DLC1: variants seen among roughly 807,000 people sequenced by gnomAD.
The protein encoded by DLC1 is rho GTPase-activating protein 7.
Under a neutral mutation model 140.3 loss-of-function variants are expected in DLC1, and 54 were observed. That is an observed-to-expected ratio of 0.38 (90% CI 0.31 to 0.48). The LOEUF (loss-of-function observed/expected upper bound fraction) is 0.48. Among genes scored for constraint, DLC1 ranks in the 20% least tolerant of loss-of-function variants. The pLI, the probability that DLC1 is intolerant of heterozygous loss-of-function variation, is 0.96. For missense variants in DLC1, 2,536 were observed against 1,907.0 expected (o/e 1.33, Z -6.14); for synonymous variants, 986 against 728.1 (o/e 1.35, Z -5.70).
chr8:13,304,880 C>T (rs1411972350), intron 5 of DLC1: 2 of 991,092 alleles, frequency 2.0e-6, no homozygotes, highest in East Asian at 1.1e-4. Context: ...CAGCTTTAAG[C>T]ATCAATTACA....
intron 1 of DLC1, among the ~76,000 whole-genome samples, chr8:13,505,166 CTAAT>C (rs1801999246): frequency 6.6e-6 from 1 of 151,984 alleles, no homozygotes; most frequent in Non-Finnish European, 1.5e-5. Context: ...TAAGCTGTGG[CTAAT>C]TTTTTTCATG....
chr8:13,083,521 T>C lies in DLC1; in HGVS notation c.*2290A>G, dbSNP rs148984267. 6.6e-6 allele frequency: 1 copy of C among 152,432 alleles called. No homozygotes were observed. Among genetic ancestry groups the C allele is most frequent in the Non-Finnish European group, 1.5e-5 (1 of 68,038 alleles). 9.4% of individuals were successfully genotyped at this position (152,432 alleles called of 1,614,324 possible). A position where few individuals can be genotyped will look rare whatever the true frequency, so the allele number is the denominator to read the frequency against. ...AAATAAGTTGTGATGGCGCTCTAAG[T>C]GACCTCAGCAGAGTTCTTGAAAATG... On this transcript the variant is annotated 3_prime_UTR_variant, in exon 18 of 18. Transcript: ENST00000276297.
At chr8:13,586,022 C>T (rs899672956) in intron 1 of DLC1, among the ~76,000 whole-genome samples, 1 of 152,082 alleles carries the variant, frequency 6.6e-6, no homozygotes, top group Non-Finnish European at 1.5e-5. Flanking sequence ...AATAGACATT[C>T]AAGGGAATGA....
At chr8:13,526,745 G>A (rs574280058) in intron 1 of DLC1, among the ~76,000 whole-genome samples, 16 of 152,058 alleles carry the variant, frequency 1.1e-4, no homozygotes, top group African/African-American at 3.4e-4. Flanking sequence ...ACACAGGAAG[G>A]GGAACATCAC....
chr8:13,224,066 G>A (rs1413964251), intron 5 of DLC1, among the ~76,000 whole-genome samples: 5 of 152,160 alleles, frequency 3.3e-5, no homozygotes, highest in Non-Finnish European at 7.3e-5. Context: ...GAGGGAGTAT[G>A]ATATCTACAC....
chr8:13,436,256 G>A (rs1839118272), intron 2 of DLC1, among the ~76,000 whole-genome samples: 2 of 152,140 alleles, frequency 1.3e-5, no homozygotes, highest in Non-Finnish European at 2.9e-5. Flanking sequence ...AATGTGCGTA[G>A]GAAACACGTT....
intron 5 of DLC1, among the ~76,000 whole-genome samples, chr8:13,174,822 T>C (rs184204478): frequency 4.5e-4 from 69 of 152,046 alleles, no homozygotes; most frequent in African/African-American, 1.2e-3. Flanking sequence ...GTTTACTCCA[T>C]TGATAATTTT....
chr8:13,092,832 G>T lies in DLC1; in HGVS notation c.3527-7C>A. 1 of 1,609,982 alleles carries T rather than the reference G, an allele frequency of 6.2e-7. No homozygotes were observed. Among genetic ancestry groups the T allele is most frequent in the South Asian group, 1.1e-5 (1 of 90,748 alleles). On this transcript the variant is annotated splice_polypyrimidine_tract_variant and splice_region_variant and intron_variant, in intron 12 of 17. Coordinates refer to ENST00000276297, the MANE Select transcript of DLC1 (RefSeq NM_182643.3). ...CGCTGGTCCTTGGGCACATCTGCAC[G>T]ACACCAGCACTTTCTCCATCAGCTT...
In DLC1 at chr8:13,110,842, GATGT is replaced by G; in HGVS notation, c.1421-23_1421-20del. ...AGGAAATCTATGAGAAAAATAAACA[GATGT>G]ATTTGTTGAGCGCCTAAAACCCAAT... On this transcript the variant is annotated intron_variant, in intron 6 of 17. Transcript: ENST00000276297. 6.2e-7 allele frequency: 1 copy of G among 1,612,070 alleles called. No individual in the cohort carries two copies. The highest frequency in any genetic ancestry group is 8.5e-7 in the Non-Finnish European group (1 of 1,178,570).
chr8:13,377,499 A>C (rs1299468281), intron 4 of DLC1, among the ~76,000 whole-genome samples: 3 of 152,170 alleles, frequency 2.0e-5, no homozygotes, highest in Non-Finnish European at 4.4e-5. Flanking sequence ...GTAACCTTGA[A>C]AATTAAAGTT....
chr8:13,411,984 A>G (rs1222228934), intron 2 of DLC1, among the ~76,000 whole-genome samples: 3 of 152,144 alleles, frequency 2.0e-5, no homozygotes, highest in Non-Finnish European at 4.4e-5. Flanking sequence ...AATCTTTTTT[A>G]AAAATCCAAA....
At chr8:13,557,677 C>G (rs1429385758) in intron 1 of DLC1, 1 of 152,400 alleles carries the variant, frequency 6.6e-6, no homozygotes, top group East Asian at 1.9e-4. Context: ...TACCCCTTCA[C>G]CTTCTGCCAT....
upstream of DLC1, among the ~76,000 whole-genome samples, chr8:13,515,167 T>C (rs1802544845): frequency 6.6e-6 from 1 of 152,252 alleles, no homozygotes; most frequent in South Asian, 2.1e-4. Flanking sequence ...ATATTAAATG[T>C]ATATGCACAG....
intron 5 of DLC1, among the ~76,000 whole-genome samples, chr8:13,191,778 A>G (rs1826769048): frequency 1.3e-5 from 2 of 152,096 alleles, no homozygotes; most frequent in African/African-American, 2.4e-5. Context: ...TGGCCACAAC[A>G]TTCTCCTTTC....
chr8:13,578,498 G>T (rs1804926135), intron 1 of DLC1, among the ~76,000 whole-genome samples: 1 of 152,030 alleles, frequency 6.6e-6, no homozygotes, highest in South Asian at 2.1e-4. Flanking sequence ...GATCCCACAG[G>T]TTAAGAGCTC....
At chr8:13,455,249 A>G (rs1446075945) in intron 2 of DLC1, among the ~76,000 whole-genome samples, 1 of 152,212 alleles carries the variant, frequency 6.6e-6, no homozygotes, top group Non-Finnish European at 1.5e-5. Context: ...ACATGTACAG[A>G]TGCACACAAT....
chr8:13,519,982 G>A (rs1802713208), intron 1 of DLC1, among the ~76,000 whole-genome samples: 1 of 152,176 alleles, frequency 6.6e-6, no homozygotes, highest in Admixed American at 6.5e-5. Flanking sequence ...AACAGATGCT[G>A]GAGAGGATGT....
intron 5 of DLC1, among the ~76,000 whole-genome samples, chr8:13,295,433 A>G (rs941260083): frequency 2.6e-5 from 4 of 152,210 alleles, no homozygotes; most frequent in African/African-American, 9.6e-5. Context: ...TCCATGATCC[A>G]CACTTCTCCT....
chr8:13,387,054 A>C (rs764613958), intron 4 of DLC1, among the ~76,000 whole-genome samples: 3 of 152,042 alleles, frequency 2.0e-5, no homozygotes, highest in Non-Finnish European at 4.4e-5. Context: ...TATTAATTCA[A>C]ATTTTTTGAT....
Sources: allele counts gnomAD v4.1 joint callset (sites outside exome capture counted in the v4.1 genomes callset), GRCh38; gene constraint gnomAD v4.1.1; transcripts MANE v1.5; gene names NCBI Gene and HGNC (gene_info 2026-07-23, HGNC 2026-07-21).